CYP4F12: variants seen among roughly 807,000 people sequenced by gnomAD.
CYP4F12 encodes the protein cytochrome P450 4F12.
A neutral mutation model predicts 56.5 loss-of-function variants in CYP4F12; 60 were observed. That is an observed-to-expected ratio of 1.06 (90% CI 0.86 to 1.32). CYP4F12 has a LOEUF of 1.32. CYP4F12 is among the 40% of genes most tolerant of loss of function. The pLI is 0.00. For synonymous variants in CYP4F12, 263 were observed against 264.9 expected (o/e 0.99, Z 0.07); for missense variants, 711 against 683.5 (o/e 1.04, Z -0.45).
intron 2 of CYP4F12, among the ~76,000 whole-genome samples, chr19:15,677,696 C>A (rs201415461): frequency 0.49 from 1,030 of 2,098 alleles, 443 homozygotes; most frequent in East Asian, 1. Context: ...TCCTCTCCTC[C>A]CTCACTTATT....
At chr19:15,687,597 A>G (rs2007678009) in intron 9 of CYP4F12, among the ~76,000 whole-genome samples, 1 of 152,166 alleles carries the variant, frequency 6.6e-6, no homozygotes, top group African/African-American at 2.4e-5. Flanking sequence ...CCTTCAAAAG[A>G]AGCTACAGGC....
chr19:15,687,838 A>G (rs1235094365), intron 9 of CYP4F12, among the ~76,000 whole-genome samples: 1 of 152,192 alleles, frequency 6.6e-6, no homozygotes, highest in Non-Finnish European at 1.5e-5. Flanking sequence ...GCATGGACTG[A>G]GGGAAGCCAT....
Position 15,696,512 on chromosome 19 carries a change from G to T in CYP4F12, c.1397G>T (p.Arg466Met). The T allele has an allele frequency of 6.2e-7, 1 of 1,613,324 alleles. No homozygotes were observed. Among genetic ancestry groups the T allele is most frequent in the Non-Finnish European group, 8.5e-7 (1 of 1,179,828 alleles). The change falls in exon 12 of 13, where the codon AGG becomes ATG. Residue 466 changes from arginine to methionine, a missense_variant and splice_region_variant. Coordinates refer to ENST00000550308, the MANE Select transcript of CYP4F12 (RefSeq NM_023944.4). ...TTTATTCCTTTCTCCGCAGGGCCCA[G>T]GTAAGAGCGCCCTGTGTCTGAGGCA... Reference protein sequence around the residue: ...LAFIPFSAGPRNCIGQAFAMA... With the variant: ...LAFIPFSAGPMNCIGQAFAMA...
At chr19:15,679,334 G>A (rs675326) in intron 3 of CYP4F12, among the ~76,000 whole-genome samples, 3,735 of 152,132 alleles carry the variant, frequency 0.025, 16 homozygotes, top group African/African-American at 0.086. Context: ...CATTATCAGG[G>A]ATCTGTCTCC....
chr19:15,685,757 T>C (rs1420259788), intron 9 of CYP4F12, among the ~76,000 whole-genome samples: 3 of 152,216 alleles, frequency 2.0e-5, no homozygotes, highest in Non-Finnish European at 4.4e-5. Context: ...AATTTTCCCT[T>C]CACTCCTTTC....
intron 9 of CYP4F12, 64 bp downstream of exon 9, chr19:15,685,261 G>C: frequency 2.5e-6 from 4 of 1,574,018 alleles, no homozygotes; most frequent in Non-Finnish European, 3.5e-6. Context: ...CAAGTGAGGA[G>C]GGGTGGAGGA....
At chr19:15,675,486 A>G (rs1433940232) in intron 2 of CYP4F12, among the ~76,000 whole-genome samples, 1 of 152,192 alleles carries the variant, frequency 6.6e-6, no homozygotes, top group Non-Finnish European at 1.5e-5. Context: ...CAGGACACAA[A>G]AGGATATGGC....
At chr19:15,674,937 C>T (rs1319169604) in intron 2 of CYP4F12, among the ~76,000 whole-genome samples, 31 of 152,168 alleles carry the variant, frequency 2.0e-4, no homozygotes, top group African/African-American at 7.0e-4. Context: ...TTCTGAGCCC[C>T]GATAGACAGG....
intron 7 of CYP4F12, 98 bp from the exon 8 acceptor site, chr19:15,684,718 T>C: frequency 1.8e-5 from 21 of 1,198,942 alleles, no homozygotes; most frequent in Non-Finnish European, 2.5e-5. Context: ...TCAGAGATTA[T>C]CTCAGGTTAG....
At chr19:15,682,659 C>T in intron 6 of CYP4F12, 149 bp downstream of exon 6, 1 of 1,245,104 alleles carries the variant, frequency 8.0e-7, no homozygotes, top group Non-Finnish European at 1.1e-6. Flanking sequence ...GGAGAAAGTG[C>T]TGTCTTTCCA....
chr19:15,680,389 T>C lies in CYP4F12; in HGVS notation c.398-3T>C, dbSNP rs147972597. ...TGCCCACTGTCCTTGGCTGCCCTAC[T>C]AGGAGAAGGGATACTGCTGAGTGGC... On this transcript the variant is annotated splice_region_variant and splice_polypyrimidine_tract_variant and intron_variant, in intron 4 of 12. Coordinates refer to ENST00000550308, the MANE Select transcript of CYP4F12 (RefSeq NM_023944.4). 6,998 of 1,613,022 alleles carry C rather than the reference T, an allele frequency of 4.3e-3. 40 individuals carry two copies. The African/African-American group carries it at 0.082, about 19-fold the overall frequency.
intron 2 of CYP4F12, among the ~76,000 whole-genome samples, chr19:15,675,267 TTA>T (rs1480958870): frequency 1.6e-4 from 16 of 102,246 alleles, no homozygotes; most frequent in African/African-American, 4.8e-4. Context: ...GTCTGCTCAC[TTA>T]CAAAAGGCAG....
intron 2 of CYP4F12, among the ~76,000 whole-genome samples, chr19:15,675,047 G>A (rs1208557558): frequency 6.6e-6 from 1 of 152,236 alleles, no homozygotes; most frequent in Admixed American, 6.5e-5. Flanking sequence ...GAGGGACACA[G>A]CTGGACCAGA....
chr19:15,682,973 G>A (rs1410825854), intron 6 of CYP4F12, among the ~76,000 whole-genome samples: 1 of 152,126 alleles, frequency 6.6e-6, no homozygotes, highest in South Asian at 2.1e-4. Flanking sequence ...CTGACCTCAG[G>A]TGATGTGCCC....
At chr19:15,676,672 C>T (rs148984529) in intron 2 of CYP4F12, among the ~76,000 whole-genome samples, 1 of 17,138 alleles carries the variant, frequency 5.8e-5, no homozygotes, top group African/African-American at 1.9e-4. Context: ...TCTCCTCACT[C>T]ACTCATTCCT....
intron 9 of CYP4F12, among the ~76,000 whole-genome samples, chr19:15,692,775 A>G (rs1600003613): frequency 1.3e-5 from 2 of 152,168 alleles, no homozygotes; most frequent in African/African-American, 4.8e-5. Flanking sequence ...AAACTGTTAA[A>G]TGAGAGAAAA....
chr19:15,692,916 A>G (rs2007937486), intron 9 of CYP4F12, among the ~76,000 whole-genome samples: 2 of 100,780 alleles, frequency 2.0e-5, no homozygotes, highest in South Asian at 6.6e-4. Context: ...TCTACTAAAA[A>G]TAAAAAAAAA....
intron 9 of CYP4F12, 43 bp downstream of exon 9, chr19:15,685,240 G>C (rs2007544560): frequency 6.3e-7 from 1 of 1,599,614 alleles, no homozygotes; most frequent in South Asian, 1.1e-5. Context: ...CCCATCATTG[G>C]TTCTGCTCCC....
In CYP4F12 at chr19:15,696,919, G is replaced by T. The variant is rs1422561369; in HGVS notation, c.1409G>T (p.Gly470Val). ...PFSAGPRNCI[G>V]QAFAMAEMKV... is the part of the protein sequence containing the mutation. ...ACTCCCGCCTGCAGGAACTGCATCG[G>T]GCAGGCGTTCGCCATGGCGGAGATG... The change falls in exon 13 of 13, where the codon GGG (glycine) becomes GTG (valine). Residue 470 changes from glycine to valine, a missense_variant. Physicochemically the swap from Gly to Val is moderately radical, Grantham distance 109 (BLOSUM62 -3). Transcript: ENST00000550308. 2.5e-6 allele frequency: 4 copies of T among 1,613,126 alleles called. No homozygotes were observed. Among genetic ancestry groups the T allele is most frequent in the Non-Finnish European group, 3.4e-6 (4 of 1,179,506 alleles).
Sources: gnomAD v4.1 joint callset for allele counts (sites outside exome capture counted in the v4.1 genomes callset) on GRCh38, gnomAD v4.1.1 for gene constraint, MANE v1.5 for transcripts, NCBI Gene and HGNC (gene_info 2026-07-23, HGNC 2026-07-21) for gene names.